GPHN: variants seen among roughly 807,000 people sequenced by gnomAD.
GPHN encodes gephyrin.
Under a neutral mutation model 95.5 loss-of-function variants are expected in GPHN, and 17 were observed. The observed-to-expected ratio is 0.18, with a 90% CI of 0.12 to 0.27. The LOEUF is 0.27. GPHN is among the 10% of genes least tolerant of loss of function. The pLI is 1.00. For missense variants in GPHN, 660 were observed against 978.1 expected (o/e 0.67, Z 4.34); for synonymous variants, 320 against 322.5 (o/e 0.99, Z 0.08).
intron 8 of GPHN, among the ~76,000 whole-genome samples, chr14:66,928,330 A>C (rs2066597119): frequency 6.6e-6 from 1 of 152,148 alleles, no homozygotes; most frequent in South Asian, 2.1e-4. Flanking sequence ...TGCTCATAGT[A>C]GTCTGTAATG....
chr14:67,325,848 G>T, the GPHN span, among the ~76,000 whole-genome samples: 1 of 149,528 alleles, frequency 6.7e-6, no homozygotes, highest in South Asian at 2.1e-4. Flanking sequence ...TTACTCTGTC[G>T]CCCAGGCTGG....
the GPHN span, chr14:67,662,438 C>CA: frequency 2.5e-6 from 4 of 1,569,682 alleles, no homozygotes; most frequent in Middle Eastern, 1.7e-4. Flanking sequence ...AAAAGACCAA[C>CA]ACCAGGTAGA....
chr14:67,329,879 TA>T, the GPHN span, among the ~76,000 whole-genome samples: 6,765 of 98,748 alleles, frequency 0.069, 313 homozygotes, highest in African/African-American at 0.28. Flanking sequence ...AATAAATAAA[TA>T]GATATAGAAA....
the GPHN span, among the ~76,000 whole-genome samples, chr14:67,345,476 A>AC: frequency 6.8e-6 from 1 of 147,446 alleles, no homozygotes. Flanking sequence ...AATCACTTGA[A>AC]CCCAGGAGGC....
In GPHN at chr14:67,119,357, A is replaced by G. The variant is rs1386718980; in HGVS notation, c.1627-2899A>G. 2.6e-5 allele frequency among the ~76,000 whole-genome samples: 4 copies of G among 152,246 alleles called. No individual in the cohort carries two copies. In the East Asian group the frequency reaches 7.7e-4, roughly 29 times the overall value. On this transcript the variant is annotated intron_variant, in intron 16 of 22. Coordinates refer to ENST00000478722, the MANE Select transcript of GPHN (RefSeq NM_020806.5). ...ATAAGGCTTTCACAGAAATTCAGACATAATGTAATGAATGTCTAGAATTGT... is the reference window on the plus strand; with the variant it reads ...ATAAGGCTTTCACAGAAATTCAGACGTAATGTAATGAATGTCTAGAATTGT...
At chr14:67,098,665 T>C (rs1475462403) in intron 12 of GPHN, among the ~76,000 whole-genome samples, 1 of 151,634 alleles carries the variant, frequency 6.6e-6, no homozygotes, top group East Asian at 1.9e-4. Context: ...TAAAATAAAA[T>C]ACAAAAATTA....
the GPHN span, among the ~76,000 whole-genome samples, chr14:67,514,702 G>T: frequency 1.3e-5 from 2 of 152,022 alleles, no homozygotes; most frequent in African/African-American, 4.8e-5. Flanking sequence ...GTGGCCTCCT[G>T]GGTGCTCTCC....
At chr14:67,217,918 A>G in the GPHN span, among the ~76,000 whole-genome samples, 1 of 152,110 alleles carries the variant, frequency 6.6e-6, no homozygotes, top group African/African-American at 2.4e-5. Context: ...CTCCAATTTT[A>G]TGGAGTAGTG....
chr14:66,852,424 T>C (rs551033419), intron 4 of GPHN, among the ~76,000 whole-genome samples: 1 of 152,342 alleles, frequency 6.6e-6, no homozygotes, highest in Admixed American at 6.5e-5. Flanking sequence ...TGTGCACACA[T>C]TCACGCGCTA....
chr14:66,605,404 A>G (rs575532249), intron 1 of GPHN, among the ~76,000 whole-genome samples: 2 of 152,192 alleles, frequency 1.3e-5, no homozygotes, highest in South Asian at 4.2e-4. Context: ...GACTGGTGTA[A>G]GATGGTATAT....
the GPHN span, among the ~76,000 whole-genome samples, chr14:67,614,638 T>C: frequency 6.6e-6 from 1 of 152,034 alleles, no homozygotes; most frequent in Non-Finnish European, 1.5e-5. Flanking sequence ...GGCACGCACC[T>C]GTAGTTCCAG....
the GPHN span, among the ~76,000 whole-genome samples, chr14:67,550,322 G>A: frequency 6.6e-6 from 1 of 152,254 alleles, no homozygotes; most frequent in South Asian, 2.1e-4. Flanking sequence ...CTAAGTAGGT[G>A]GGACCACAGT....
At chr14:66,846,661 G>A (rs964688812) in intron 4 of GPHN, among the ~76,000 whole-genome samples, 1 of 152,082 alleles carries the variant, frequency 6.6e-6, no homozygotes, top group Non-Finnish European at 1.5e-5. Context: ...CTTAAATGTC[G>A]ATAGGAATCT....
At chr14:67,054,720 C>A (rs1022088133) in intron 10 of GPHN, among the ~76,000 whole-genome samples, 2 of 152,078 alleles carry the variant, frequency 1.3e-5, no homozygotes, top group Non-Finnish European at 2.9e-5. Flanking sequence ...GCTATAGTAA[C>A]CAAAATAGAT....
chr14:66,532,125 G>C (rs184708692), intron 1 of GPHN, among the ~76,000 whole-genome samples: 1 of 152,184 alleles, frequency 6.6e-6, no homozygotes, highest in Non-Finnish European at 1.5e-5. Flanking sequence ...CATGTGAATC[G>C]AACTTTTATA....
the GPHN span, among the ~76,000 whole-genome samples, chr14:67,451,012 C>T: frequency 1.3e-5 from 2 of 152,180 alleles, no homozygotes; most frequent in Non-Finnish European, 1.5e-5. Context: ...TGCCTTATGT[C>T]CCAGCTGTTC....
the GPHN span, among the ~76,000 whole-genome samples, chr14:67,401,943 C>T: frequency 6.6e-6 from 1 of 152,032 alleles, no homozygotes; most frequent in Non-Finnish European, 1.5e-5. Context: ...GCAGTCTGGC[C>T]AACATGGTGA....
At chr14:67,429,323 C>T in the GPHN span, among the ~76,000 whole-genome samples, 11 of 151,406 alleles carry the variant, frequency 7.3e-5, no homozygotes, top group East Asian at 6.0e-4. Context: ...ATCCGGCTCC[C>T]GGGTTCAAGC....
At chr14:67,022,308 C>T (rs990020295) in intron 9 of GPHN, among the ~76,000 whole-genome samples, 2 of 151,972 alleles carry the variant, frequency 1.3e-5, no homozygotes, top group African/African-American at 4.8e-5. Flanking sequence ...TTTACACCCT[C>T]AAACCTCTCT....
Sources: allele counts gnomAD v4.1 joint callset (sites outside exome capture counted in the v4.1 genomes callset), GRCh38; gene constraint gnomAD v4.1.1; transcripts MANE v1.5; gene names NCBI Gene and HGNC (gene_info 2026-07-23, HGNC 2026-07-21).